Variants in GNAO1 observed in about 807,000 individuals in gnomAD.
GNAO1 encodes the protein guanine nucleotide-binding protein G(o) subunit alpha.
For missense variants in GNAO1, 166 were observed against 478.7 expected, an observed-to-expected ratio of 0.35 and a Z score of 6.10; for synonymous variants, 164 against 180.7, an observed-to-expected ratio of 0.91 and a Z score of 0.74.
At chr16:56,237,300 A>AT (rs2036647183) in intron 2 of GNAO1, among the ~76,000 whole-genome samples, 1 of 152,208 alleles carries the variant, frequency 6.6e-6, no homozygotes, top group South Asian at 2.1e-4. Flanking sequence ...AGCATCATCT[A>AT]TGTACCTGAC....
At chr16:56,252,539 G>A (rs1015724166) in intron 2 of GNAO1, among the ~76,000 whole-genome samples, 8 of 152,196 alleles carry the variant, frequency 5.3e-5, no homozygotes, top group African/African-American at 7.2e-5. Flanking sequence ...ATCTCTCTTG[G>A]CCTGCATTTC....
At chr16:56,317,816 C>G (rs531814269) in intron 3 of GNAO1, among the ~76,000 whole-genome samples, 2 of 152,204 alleles carry the variant, frequency 1.3e-5, no homozygotes, top group Non-Finnish European at 2.9e-5. Context: ...GGCACTGAAT[C>G]CTTGGTTCTG....
chr16:56,340,047 A>C (rs780762531), intron 6 of GNAO1, among the ~76,000 whole-genome samples: 3 of 152,166 alleles, frequency 2.0e-5, no homozygotes, highest in Non-Finnish European at 4.4e-5. Flanking sequence ...GTGAGCCCGC[A>C]CCGGGCTCTC....
At chr16:56,325,518 T>C (rs1454651655) in intron 3 of GNAO1, among the ~76,000 whole-genome samples, 1 of 152,048 alleles carries the variant, frequency 6.6e-6, no homozygotes, top group African/African-American at 2.4e-5. Context: ...GAATAAAATA[T>C]CCCAATTCTG....
chr16:56,234,174 C>T (rs1313959417), intron 2 of GNAO1, among the ~76,000 whole-genome samples: 5 of 152,238 alleles, frequency 3.3e-5, no homozygotes, highest in Non-Finnish European at 5.9e-5. Flanking sequence ...GGTGCCCAAC[C>T]CTCCTGGTCT....
At chr16:56,256,998 C>A (rs1055176509) in intron 2 of GNAO1, among the ~76,000 whole-genome samples, 3 of 152,128 alleles carry the variant, frequency 2.0e-5, no homozygotes, top group Admixed American at 6.5e-5. Context: ...TTGTTCAGTT[C>A]TCTTTTAGTT....
At chr16:56,238,293 C>T (rs376622772) in intron 2 of GNAO1, among the ~76,000 whole-genome samples, 2 of 152,244 alleles carry the variant, frequency 1.3e-5, no homozygotes, top group South Asian at 4.1e-4. Context: ...TACTCCTCTT[C>T]TCTCTTAATC....
chr16:56,204,096 C>A (rs1165988096), intron 2 of GNAO1, among the ~76,000 whole-genome samples: 1 of 152,086 alleles, frequency 6.6e-6, no homozygotes, highest in Non-Finnish European at 1.5e-5. Context: ...GGAGAGATGA[C>A]CCCTGGTGTC....
chr16:56,229,979 G>T (rs554487706), intron 2 of GNAO1, among the ~76,000 whole-genome samples: 25 of 152,256 alleles, frequency 1.6e-4, no homozygotes, highest in African/African-American at 6.0e-4. Context: ...AGCCAGAGTT[G>T]TGTTTTTTTA....
At chr16:56,304,925 C>G (rs776825172) in intron 3 of GNAO1, among the ~76,000 whole-genome samples, 4 of 152,234 alleles carry the variant, frequency 2.6e-5, no homozygotes, top group Non-Finnish European at 5.9e-5. Flanking sequence ...TGGAGTGCAT[C>G]AGCACTCGTT....
At chr16:56,209,129 A>G (rs1377574628) in intron 2 of GNAO1, among the ~76,000 whole-genome samples, 1 of 151,494 alleles carries the variant, frequency 6.6e-6, no homozygotes, top group Non-Finnish European at 1.5e-5. Context: ...GATTTATTTT[A>G]TTTTCTATTT....
At chr16:56,226,871 C>T (rs929000042) in intron 2 of GNAO1, among the ~76,000 whole-genome samples, 5 of 152,156 alleles carry the variant, frequency 3.3e-5, no homozygotes, top group Admixed American at 6.5e-5. Context: ...CCCCAAGGGC[C>T]GAATCATTGC....
chr16:56,330,250 C>T (rs1180229146), intron 4 of GNAO1, among the ~76,000 whole-genome samples: 1 of 152,152 alleles, frequency 6.6e-6, no homozygotes, highest in Non-Finnish European at 1.5e-5. Context: ...TCCGTATGCA[C>T]AAATCACAGA....
chr16:56,224,089 C>G (rs2036513850), intron 2 of GNAO1, among the ~76,000 whole-genome samples: 1 of 152,132 alleles, frequency 6.6e-6, no homozygotes, highest in African/African-American at 2.4e-5. Context: ...AGTGCAGAGC[C>G]CCAGGATGTG....
intron 2 of GNAO1, among the ~76,000 whole-genome samples, chr16:56,212,622 A>G (rs1024866195): frequency 3.3e-5 from 5 of 152,240 alleles, no homozygotes; most frequent in Non-Finnish European, 7.3e-5. Flanking sequence ...TTCTAGAAGT[A>G]GAGTGTTTGT....
At position 56,351,621 on chromosome 16, in the gene GNAO1, C is replaced by A; in HGVS notation, c.877+84C>A. ...CAGAGAACAGGCTGCTCGGCCAGCA[C>A]TGCTGGGGCTAGCTGGCGAGCGGGA... On this transcript the variant is annotated intron_variant, in intron 7 of 8. Transcript: ENST00000262493. This position sits in a 1 kb window ranked among gnomAD's most constrained non-coding sequence, Gnocchi z 6.1. 1.8e-6 allele frequency: 2 copies of A among 1,092,566 alleles called. No homozygotes were observed. Among genetic ancestry groups the A allele is most frequent in the Non-Finnish European group, 2.7e-6 (2 of 738,800 alleles). The allele number at this position is 1,092,566 out of a possible 1,614,324, so 67.7% of individuals were successfully genotyped here.
At chr16:56,220,206 C>G (rs2036471259) in intron 2 of GNAO1, among the ~76,000 whole-genome samples, 1 of 152,064 alleles carries the variant, frequency 6.6e-6, no homozygotes, top group African/African-American at 2.4e-5. Context: ...TGAGTCCTAG[C>G]CTGGGGGTCT....
intron 2 of GNAO1, among the ~76,000 whole-genome samples, chr16:56,230,391 A>T (rs1259626097): frequency 1.3e-5 from 2 of 152,180 alleles, no homozygotes; most frequent in Non-Finnish European, 2.9e-5. Context: ...TGAGGGCTTC[A>T]TCTGGGTGAA....
At chr16:56,269,624 T>C (rs1303842456) in intron 2 of GNAO1, among the ~76,000 whole-genome samples, 1 of 152,142 alleles carries the variant, frequency 6.6e-6, no homozygotes, top group African/African-American at 2.4e-5. Flanking sequence ...CCCCGCTTCC[T>C]GTGGATCATT....
Sources: allele counts gnomAD v4.1 joint callset (sites outside exome capture counted in the v4.1 genomes callset), GRCh38; gene constraint gnomAD v4.1.1; non-coding constraint Gnocchi (gnomAD v3.1); transcripts MANE v1.5; gene names NCBI Gene and HGNC (gene_info 2026-07-23, HGNC 2026-07-21).